PHETA1: variants seen among roughly 807,000 people sequenced by gnomAD.
PHETA1 encodes the protein sesquipedalian-1.
For synonymous variants in PHETA1, 155 were observed against 168.9 expected, an observed-to-expected ratio of 0.92 and a Z score of 0.64; for missense variants, 348 against 373.5, an observed-to-expected ratio of 0.93 and a Z score of 0.56.
chr12:111,365,687 C>T (rs549457943), intron 2 of PHETA1: 21 of 363,634 alleles, frequency 5.8e-5, no homozygotes, highest in Non-Finnish European at 9.2e-5. Flanking sequence ...ACCGCATGTT[C>T]TTACTCATAA....
At chr12:111,364,831 G>C (rs1010798296) in intron 2 of PHETA1, among the ~76,000 whole-genome samples, 2 of 152,050 alleles carry the variant, frequency 1.3e-5, no homozygotes, top group African/African-American at 4.8e-5. Flanking sequence ...GGGAGGCTGA[G>C]GCAGGAGAAG....
rs1869152169 is a variant in PHETA1 at position 111,368,321 on chromosome 12, G to A, written c.-182+591C>T. 6.6e-6 allele frequency among the ~76,000 whole-genome samples: 1 copy of A among 152,260 alleles called. No individual in the cohort carries two copies. Among genetic ancestry groups the A allele is most frequent in the African/African-American group, 2.4e-5 (1 of 41,566 alleles). On this transcript the variant is annotated intron_variant, in intron 1 of 2. Transcript: ENST00000683047. This position sits in a 1 kb window ranked among gnomAD's most constrained non-coding sequence, Gnocchi z 5.0. ...TGGGAGACTGAAGCATGGCATTTTG[G>A]CACTCACATCAACGAAAAGAAGCCA...
rs1000057229 is a variant in PHETA1 at position 111,361,983 on chromosome 12, G to A, written c.*695C>T. Reference sequence around the variant, plus strand: ...GCGGCCAGAGAGCCACTGCCACCAGGAGCACCACCATGAGGCCTGGCAGGG... The same window carrying A: ...GCGGCCAGAGAGCCACTGCCACCAGAAGCACCACCATGAGGCCTGGCAGGG... On this transcript the variant is annotated 3_prime_UTR_variant, in exon 3 of 3. Transcript: ENST00000683047. The A allele has an allele frequency of 6.6e-6, 3 of 455,988 alleles. No individual in the cohort carries two copies. Among genetic ancestry groups the A allele is most frequent in the Admixed American group, 2.3e-5 (1 of 42,554 alleles). The allele number at this position is 455,988 out of a possible 1,614,324, so 28.2% of individuals were successfully genotyped here.
Position 111,363,304 on chromosome 12 carries a change from G to A in PHETA1, c.124C>T (p.Arg42Cys), listed in dbSNP as rs991128543. The A allele has an allele frequency of 7.4e-6, 12 of 1,613,048 alleles. No homozygotes were observed. Among genetic ancestry groups the A allele is most frequent in the Admixed American group, 3.3e-5 (2 of 59,996 alleles). Residue 42 changes from arginine to cysteine, a missense_variant, in exon 3 of 3, where the codon CGC becomes TGC. Transcript: ENST00000683047. This position sits in a 1 kb window ranked among gnomAD's most constrained non-coding sequence, Gnocchi z 7.4. ...AAYHRRWFVL[R>C]GNMLFYFEDA... ...TCGAAGTAGAAGAGCATGTTCCCGC[G>A]CAGCACGAACCAGCGCCGGTGGTAG...
At position 111,362,591 on chromosome 12, in the gene PHETA1, G is replaced by C. The variant is rs921085655; in HGVS notation, c.*87C>G. 1.1e-5 allele frequency: 17 copies of C among 1,542,028 alleles called. No homozygotes were observed. The highest frequency in any genetic ancestry group is 1.3e-5 in the Non-Finnish European group (15 of 1,146,616). On this transcript the variant is annotated 3_prime_UTR_variant, in exon 3 of 3. Coordinates refer to ENST00000683047, the MANE Select transcript of PHETA1 (RefSeq NM_144671.6). ...CCAGCCTTGCCCATGATTTCCCTCA[G>C]GATCTGCTCCCCCAGTCTCTCCAGG... is the stretch of plus-strand genomic sequence containing the variant.
In PHETA1 at chr12:111,367,183, C is replaced by T. The variant is rs1211039556; in HGVS notation, c.-181-926G>A. On this transcript the variant is annotated intron_variant, in intron 1 of 2. Coordinates refer to ENST00000683047, the MANE Select transcript of PHETA1 (RefSeq NM_144671.6). This position sits in a 1 kb window ranked among gnomAD's most constrained non-coding sequence, Gnocchi z 4.0. ...CCAAGACTTGGTCCCGGCTGTCTGC[C>T]TGCAGGTCTTCACAAGGCCAGCTCC... is the stretch of plus-strand genomic sequence containing the variant. Among the ~76,000 whole-genome samples, 1 of 152,172 alleles carries T rather than the reference C, an allele frequency of 6.6e-6. No individual in the cohort carries two copies. Among genetic ancestry groups the T allele is most frequent in the Non-Finnish European group, 1.5e-5 (1 of 68,020 alleles).
intron 2 of PHETA1, among the ~76,000 whole-genome samples, chr12:111,364,952 A>C (rs1007271713): frequency 6.6e-6 from 1 of 152,134 alleles, no homozygotes; most frequent in South Asian, 2.1e-4. Flanking sequence ...ATTTGGGGAA[A>C]GATGCAGGCC....
In PHETA1 at chr12:111,363,032, G is replaced by A. The variant is rs375086972; in HGVS notation, c.396C>T (p.Gly132=). 2.5e-4 allele frequency: 360 copies of A among 1,454,138 alleles called. No individual in the cohort carries two copies. Among genetic ancestry groups the A allele is most frequent in the Non-Finnish European group, 3.0e-4 (333 of 1,113,224 alleles). 90.1% of individuals were successfully genotyped at this position (1,454,138 alleles called of 1,614,324 possible). The change falls in exon 3 of 3, where the codon GGC becomes GGT. Residue 132 remains glycine, a synonymous_variant. Coordinates refer to ENST00000683047, the MANE Select transcript of PHETA1 (RefSeq NM_144671.6). This position sits in a 1 kb window ranked among gnomAD's most constrained non-coding sequence, Gnocchi z 7.4. ...ELEQQLAAVR[G]GGGMALPQPQ... Reference sequence around the variant, plus strand: ...GCTGGGGCAGGGCCATGCCACCCCCGCCACGTACAGCCGCCAGCTGCTGCT... The same window carrying A: ...GCTGGGGCAGGGCCATGCCACCCCCACCACGTACAGCCGCCAGCTGCTGCT...
rs891485005 is a variant in PHETA1 at position 111,362,329 on chromosome 12, C to A, written c.*349G>T. On this transcript the variant is annotated 3_prime_UTR_variant, in exon 3 of 3. Coordinates refer to ENST00000683047, the MANE Select transcript of PHETA1 (RefSeq NM_144671.6). ...CCCTCAGTCCCAGTGACCCTCTGAG[C>A]TGCAGGCCCGGCAATGCCTGTTGCC... is the stretch of plus-strand genomic sequence containing the variant. The A allele has an allele frequency of 2.0e-6, 1 of 501,538 alleles. No homozygotes were observed. The highest frequency in any genetic ancestry group is 1.9e-5 in the African/African-American group (1 of 51,812). The allele number at this position is 501,538 out of a possible 1,614,324, so 31.1% of individuals were successfully genotyped here. A position where few individuals can be genotyped will look rare whatever the true frequency, so the allele number is the denominator to read the frequency against.
Position 111,361,593 on chromosome 12 carries a change from C to A in PHETA1, c.*1085G>T. 3.6e-6 allele frequency: 1 copy of A among 277,352 alleles called. No homozygotes were observed. The highest frequency in any genetic ancestry group is 7.2e-6 in the Non-Finnish European group (1 of 138,246). The allele number at this position is 277,352 out of a possible 1,614,324, so 17.2% of individuals were successfully genotyped here. On this transcript the variant is annotated 3_prime_UTR_variant, in exon 3 of 3. Transcript: ENST00000683047. ...AGAAGAAAGGGGACCGGCGGTCAGCCCCGAAGCCAAGCAAGACCTGGTCCC... is the reference window on the plus strand; with the variant it reads ...AGAAGAAAGGGGACCGGCGGTCAGCACCGAAGCCAAGCAAGACCTGGTCCC...
intron 2 of PHETA1, among the ~76,000 whole-genome samples, chr12:111,365,231 G>A (rs993249828): frequency 6.6e-6 from 1 of 152,254 alleles, no homozygotes; most frequent in Admixed American, 6.5e-5. Flanking sequence ...TAGGATGGTA[G>A]CTACATTTTT....
chr12:111,366,101 T>C lies in PHETA1; in HGVS notation c.-37+12A>G. 6.3e-6 allele frequency: 1 copy of C among 158,552 alleles called. No individual in the cohort carries two copies. The highest frequency in any genetic ancestry group is 6.4e-5 in the Admixed American group (1 of 15,732). 9.8% of individuals were successfully genotyped at this position (158,552 alleles called of 1,614,324 possible). ...GGACCCTCCCGCCCTGCTTGCCCAGTTCCGCTCCTACCTCTCAGGCCACCA... is the reference window on the plus strand; with the variant it reads ...GGACCCTCCCGCCCTGCTTGCCCAGCTCCGCTCCTACCTCTCAGGCCACCA... On this transcript the variant is annotated intron_variant, in intron 2 of 2. Transcript: ENST00000683047.
In PHETA1 at chr12:111,368,581, C is replaced by T. The variant is rs771857469; in HGVS notation, c.-182+331G>A. Among the ~76,000 whole-genome samples, 45 of 152,216 alleles carry T rather than the reference C, an allele frequency of 3.0e-4. No homozygotes were observed. Among genetic ancestry groups the T allele is most frequent in the South Asian group, 1.0e-3 (5 of 4,832 alleles). ...GCTGCTCCAGGTGTGGCCCTGCTCC[C>T]GGCTGCTCTCTGTCCCTTTGTGTGT... On this transcript the variant is annotated intron_variant, in intron 1 of 2. Transcript: ENST00000683047. This position sits in a 1 kb window ranked among gnomAD's most constrained non-coding sequence, Gnocchi z 5.0.
Position 111,362,388 on chromosome 12 carries a change from C to A in PHETA1, c.*290G>T, listed in dbSNP as rs1391323016. 4 of 735,980 alleles carry A rather than the reference C, an allele frequency of 5.4e-6. No individual in the cohort carries two copies. The highest frequency in any genetic ancestry group is 8.5e-6 in the Non-Finnish European group (4 of 469,500). The allele number at this position is 735,980 out of a possible 1,614,324, so 45.6% of individuals were successfully genotyped here. The stretch of plus-strand genomic sequence containing the variant: ...CCTCTGCCCGGCAGCTCAGGCCAGC[C>A]TGGGGCCGGAGTTCTCAGGAAACCT... On this transcript the variant is annotated 3_prime_UTR_variant, in exon 3 of 3. Transcript: ENST00000683047.
At position 111,363,115 on chromosome 12, in the gene PHETA1, C is replaced by T; in HGVS notation, c.313G>A (p.Val105Ile). 1 of 1,606,548 alleles carries T rather than the reference C, an allele frequency of 6.2e-7. No individual in the cohort carries two copies. The highest frequency in any genetic ancestry group is 8.5e-7 in the Non-Finnish European group (1 of 1,179,016). ...AESQDAMEGWVKALSRASFDY... is the reference protein window; with the variant it reads ...AESQDAMEGWIKALSRASFDY... ...AAGCTGGCACGCGACAGGGCCTTGA[C>T]CCAGCCCTCCATGGCATCCTGACTC... is the stretch of plus-strand genomic sequence containing the variant. The change falls in exon 3 of 3, where the codon GTC (valine) becomes ATC (isoleucine). Residue 105 changes from valine (V) to isoleucine (I), a missense_variant. Val to Ile is a conservative substitution (Grantham distance 29, BLOSUM62 3). Coordinates refer to ENST00000683047, the MANE Select transcript of PHETA1 (RefSeq NM_144671.6). The surrounding 1 kb of genome is among the most constrained non-coding windows in gnomAD (Gnocchi z 7.4).
rs961428233 is a variant in PHETA1, at chr12:111,362,417, C to A, written c.*261G>T. 2 of 948,484 alleles carry A rather than the reference C, an allele frequency of 2.1e-6. No homozygotes were observed. The highest frequency in any genetic ancestry group is 2.2e-4 in the Middle Eastern group (1 of 4,494). The allele number at this position is 948,484 out of a possible 1,614,324, so 58.8% of individuals were successfully genotyped here. A position where few individuals can be genotyped will look rare whatever the true frequency, so the allele number is the denominator to read the frequency against. ...GGCCGGAGTTCTCAGGAAACCTCCC[C>A]CTCAGGCCCTGGATTCTCCTTAGTG... On this transcript the variant is annotated 3_prime_UTR_variant, in exon 3 of 3. Transcript: ENST00000683047.
In PHETA1 at chr12:111,361,740, C is replaced by G. The variant is rs1403015479; in HGVS notation, c.*938G>C. 2.7e-6 allele frequency: 1 copy of G among 367,836 alleles called. No homozygotes were observed. Among genetic ancestry groups the G allele is most frequent in the Non-Finnish European group, 5.4e-6 (1 of 186,088 alleles). The allele number at this position is 367,836 out of a possible 1,614,324, so 22.8% of individuals were successfully genotyped here. A position where few individuals can be genotyped will look rare whatever the true frequency, so the allele number is the denominator to read the frequency against. ...TGCGGCTTTTTCTCCGCCACTAGGT[C>G]AGCACCTGGGCCTTCCTAGGCGGTG... On this transcript the variant is annotated 3_prime_UTR_variant, in exon 3 of 3. Coordinates refer to ENST00000683047, the MANE Select transcript of PHETA1 (RefSeq NM_144671.6).
At position 111,362,046 on chromosome 12, in the gene PHETA1, A is replaced by T; in HGVS notation, c.*632T>A. ...AGTCCTGCCTCAGCCAGCCCAGGCCAGGAGCCCCGAGGACCAGGCCACCTC... is the reference window on the plus strand; with the variant it reads ...AGTCCTGCCTCAGCCAGCCCAGGCCTGGAGCCCCGAGGACCAGGCCACCTC... On this transcript the variant is annotated 3_prime_UTR_variant, in exon 3 of 3. Coordinates refer to ENST00000683047, the MANE Select transcript of PHETA1 (RefSeq NM_144671.6). 2.2e-6 allele frequency: 1 copy of T among 454,960 alleles called. No individual in the cohort carries two copies. The highest frequency in any genetic ancestry group is 4.4e-6 in the Non-Finnish European group (1 of 226,588). 28.2% of individuals were successfully genotyped at this position (454,960 alleles called of 1,614,324 possible). A position where few individuals can be genotyped will look rare whatever the true frequency, so the allele number is the denominator to read the frequency against.
In PHETA1 at chr12:111,362,664, G is replaced by A. The variant is rs1454843262; in HGVS notation, c.*14C>T. 3.7e-5 allele frequency: 57 copies of A among 1,549,168 alleles called. No homozygotes were observed. Among genetic ancestry groups the A allele is most frequent in the Admixed American group, 2.9e-4 (15 of 50,986 alleles). On this transcript the variant is annotated 3_prime_UTR_variant, in exon 3 of 3. Coordinates refer to ENST00000683047, the MANE Select transcript of PHETA1 (RefSeq NM_144671.6). ...TAGAGCTTGTGTCCCCCTAAAACAG[G>A]CGCCCTGGTGGCCTCAGGGCTGGAC...
Sources: gnomAD v4.1 joint callset for allele counts (sites outside exome capture counted in the v4.1 genomes callset) on GRCh38, gnomAD v4.1.1 for gene constraint, Gnocchi (gnomAD v3.1) non-coding constraint, MANE v1.5 for transcripts, NCBI Gene and HGNC (gene_info 2026-07-23, HGNC 2026-07-21) for gene names.